Variants in SPTBN4 observed in about 807,000 individuals in gnomAD.
The protein encoded by SPTBN4 is spectrin beta chain, non-erythrocytic 4.
Under a neutral mutation model 277.8 loss-of-function variants are expected in SPTBN4, and 96 were observed. The ratio of observed to expected loss-of-function variants is 0.35; its 90% CI spans 0.29 to 0.41. The LOEUF (loss-of-function observed/expected upper bound fraction) is 0.41, where lower values mean the gene tolerates loss of function less well. Ranked by LOEUF, SPTBN4 falls within the 10% of genes least tolerant of loss-of-function variation. SPTBN4 has a pLI of 1.00. For missense variants in SPTBN4, 3,006 were observed against 3,595.7 expected (o/e 0.84, Z 4.19); for synonymous variants, 1,481 against 1,580.3 (o/e 0.94, Z 1.49).
intron 33 of SPTBN4, chr19:40,570,929 G>C (rs1323800616): frequency 3.6e-6 from 2 of 551,210 alleles, no homozygotes; most frequent in South Asian, 2.5e-5. Flanking sequence ...GTGGTTTAAC[G>C]TCAGGCCCTC....
chr19:40,504,137 C>T lies in SPTBN4; in HGVS notation c.1665+5C>T, dbSNP rs769402624. 41 of 585,780 alleles carry T rather than the reference C, an allele frequency of 7.0e-5. No individual in the cohort carries two copies. Among genetic ancestry groups the T allele is most frequent in the Non-Finnish European group, 9.0e-5 (38 of 422,886 alleles). The allele number at this position is 585,780 out of a possible 1,614,324, so 36.3% of individuals were successfully genotyped here. A position where few individuals can be genotyped will look rare whatever the true frequency, so the allele number is the denominator to read the frequency against. ...GACTGGATGGAGGAGATGCAGGTGC[C>T]GGCGGGGGGGCGGGGATGCGGGTGG... is the stretch of plus-strand genomic sequence containing the variant. On this transcript the variant is annotated splice_donor_5th_base_variant and intron_variant, in intron 12 of 35. Transcript: ENST00000598249.
Position 40,519,518 on chromosome 19 carries a change from G to C in SPTBN4, c.3021G>C (p.Arg1007=). The change falls in exon 16 of 36, where the codon CGG becomes CGC. Residue 1007 remains arginine, a synonymous_variant. Coordinates refer to ENST00000598249, the MANE Select transcript of SPTBN4 (RefSeq NM_020971.3). This position sits in a 1 kb window ranked among gnomAD's most constrained non-coding sequence, Gnocchi z 5.7. The part of the protein sequence containing the change: ...AEVRAQVREK[R]RAVESAPRAG... Reference sequence around the variant, plus strand: ...TGCGCGCCCAGGTGCGTGAGAAGCGGAGAGCTGTGGAGAGCGCGCCCCGGG... The same window carrying C: ...TGCGCGCCCAGGTGCGTGAGAAGCGCAGAGCTGTGGAGAGCGCGCCCCGGG... 6.3e-7 allele frequency: 1 copy of C among 1,598,456 alleles called. No homozygotes were observed. The highest frequency in any genetic ancestry group is 1.1e-5 in the South Asian group (1 of 89,390).
Position 40,502,183 on chromosome 19 carries a change from C to A in SPTBN4, c.953C>A (p.Ala318Glu). The A allele has an allele frequency of 6.2e-7, 1 of 1,614,034 alleles. No individual in the cohort carries two copies. The highest frequency in any genetic ancestry group is 1.1e-5 in the South Asian group (1 of 91,084). ...GKIIERYEEL[A>E]AELLAWIHRT... is the part of the protein sequence containing the mutation. ...ATCATAGAACGCTACGAGGAGCTGG[C>A]GGCTGAGCTGCTGGCCTGGATCCAC... Residue 318 changes from alanine to glutamate, a missense_variant, in exon 9 of 36, where the codon GCG (alanine) becomes GAG (glutamate). Transcript: ENST00000598249. The surrounding 1 kb of genome is among the most constrained non-coding windows in gnomAD (Gnocchi z 4.9).
At chr19:40,473,354 G>GTTTTGTTTTTTTTT (rs1408901657) in intron 2 of SPTBN4, among the ~76,000 whole-genome samples, 1 of 99,094 alleles carries the variant, frequency 1.0e-5, no homozygotes, top group African/African-American at 4.1e-5. Context: ...CTGGCCTGGT[G>GTTTTGTTTTTTTTT]TTTTTTTTTT....
intron 32 of SPTBN4, among the ~76,000 whole-genome samples, chr19:40,570,084 T>C (rs1165838): frequency 0.59 from 88,271 of 149,326 alleles, 26,920 homozygotes; most frequent in Non-Finnish European, 0.64. Flanking sequence ...TTTCTTCAGC[T>C]CAGTGGGGTC....
At chr19:40,521,935 CA>C (rs1418242219) in intron 16 of SPTBN4, among the ~76,000 whole-genome samples, 1 of 152,138 alleles carries the variant, frequency 6.6e-6, no homozygotes, top group African/African-American at 2.4e-5. Context: ...AGGTGTGAGC[CA>C]CCATGCCCGG....
rs111450569 is a variant in SPTBN4, at chr19:40,492,836, C to T, written c.496-127C>T. 2.9e-5 allele frequency: 21 copies of T among 715,264 alleles called. No homozygotes were observed. The African/African-American group carries it at 3.3e-4, about 11-fold the overall frequency. The allele number at this position is 715,264 out of a possible 1,614,324, so 44.3% of individuals were successfully genotyped here. On this transcript the variant is annotated intron_variant, in intron 4 of 35. Transcript: ENST00000598249. Reference sequence around the variant, plus strand: ...CCTCACACTCCTGGACCCCCACCCCCAGCCAGAAGCTGCCTCCCCCATCTC... The same window carrying T: ...CCTCACACTCCTGGACCCCCACCCCTAGCCAGAAGCTGCCTCCCCCATCTC...
intron 2 of SPTBN4, among the ~76,000 whole-genome samples, chr19:40,482,655 G>A (rs750942523): frequency 2.6e-5 from 4 of 152,120 alleles, no homozygotes; most frequent in Non-Finnish European, 2.9e-5. Flanking sequence ...AAACGCAGTC[G>A]GGGTGCAACC....
At position 40,570,574 on chromosome 19, in the gene SPTBN4, G is replaced by A. The variant is rs1391077474; in HGVS notation, c.7165G>A (p.Gly2389Ser). 3.6e-6 allele frequency: 5 copies of A among 1,376,686 alleles called. No individual in the cohort carries two copies. Among genetic ancestry groups the A allele is most frequent in the Non-Finnish European group, 3.7e-6 (4 of 1,067,640 alleles). 85.3% of individuals were successfully genotyped at this position (1,376,686 alleles called of 1,614,324 possible). The change falls in exon 33 of 36, where the codon GGT (glycine) becomes AGT (serine). Residue 2389 changes from glycine (G) to serine (S), a missense_variant. Gly to Ser is a moderately conservative substitution (Grantham distance 56). Coordinates refer to ENST00000598249, the MANE Select transcript of SPTBN4 (RefSeq NM_020971.3). The stretch of plus-strand genomic sequence containing the variant: ...GCGACGGCGGCCGCGGCCCAGAGAG[G>A]GTGGTGAGGGCGGGGGAAGCCGGCG... The part of the protein sequence containing the change: ...KPRRRPRPRE[G>S]GEGGGSRRSR...
intron 20 of SPTBN4, among the ~76,000 whole-genome samples, chr19:40,548,165 C>T (rs770015040): frequency 9.9e-5 from 15 of 152,170 alleles, no homozygotes; most frequent in Non-Finnish European, 2.1e-4. Context: ...ACACAGCAGC[C>T]ATCCAAATTA....
Position 40,564,478 on chromosome 19 carries a change from A to G in SPTBN4, c.5916-945A>G, listed in dbSNP as rs537212223. On this transcript the variant is annotated intron_variant, in intron 27 of 35. Transcript: ENST00000598249. ...TCTAGTGGCTACTGCCTTGGAGAGC[A>G]CAGACTTGGAACGTTAAAATCATTG... Among the ~76,000 whole-genome samples the G allele has an allele frequency of 1.8e-4, 27 of 152,332 alleles. No individual in the cohort carries two copies. The Middle Eastern group carries it at 0.014, about 77-fold the overall frequency.
At chr19:40,571,186 A>G (rs1000942967) in intron 33 of SPTBN4, 14 of 160,334 alleles carry the variant, frequency 8.7e-5, no homozygotes, top group Non-Finnish European at 1.4e-4. Flanking sequence ...GAAGGTTTCA[A>G]TGGCTTGTCG....
At position 40,502,508 on chromosome 19, in the gene SPTBN4, G is replaced by T. The variant is rs1222160807; in HGVS notation, c.1203+1G>T. On this transcript the variant is annotated splice_donor_variant, in intron 10 of 35. Transcript: ENST00000598249. LOFTEE classifies it high-confidence loss of function. This position sits in a 1 kb window ranked among gnomAD's most constrained non-coding sequence, Gnocchi z 4.9. The stretch of plus-strand genomic sequence containing the variant: ...CTGTGGCATCTGGGATATTGACAAG[G>T]TGAGGCCGGGGATGCAGGGGAGAGG... 2 of 1,610,150 alleles carry T rather than the reference G, an allele frequency of 1.2e-6. No individual in the cohort carries two copies. The highest frequency in any genetic ancestry group is 1.7e-6 in the Non-Finnish European group (2 of 1,178,480).
At position 40,558,911 on chromosome 19, in the gene SPTBN4, A is replaced by AATTATTATT. The variant is rs371965577; in HGVS notation, c.5671-1218_5671-1210dup. Reference sequence around the variant, plus strand: ...GCATGAGCTACTATGCCCAGCTGGCAATTATTATTATTATTATTATTATTA... The same window carrying AATTATTATT: ...GCATGAGCTACTATGCCCAGCTGGCAATTATTATTATTATTATTATTATTATTATTATTA... On this transcript the variant is annotated intron_variant, in intron 26 of 35. Transcript: ENST00000598249. 9.7e-3 allele frequency among the ~76,000 whole-genome samples: 1,217 copies of AATTATTATT among 125,890 alleles called. 9 individuals are homozygous for AATTATTATT. Among genetic ancestry groups the AATTATTATT allele is most frequent in the East Asian group, 0.019 (81 of 4,296 alleles). The allele number at this position is 125,890 out of a possible 152,430, so 82.6% of individuals were successfully genotyped here.
At chr19:40,531,474 T>TTG (rs1568816300) in intron 18 of SPTBN4, among the ~76,000 whole-genome samples, 3 of 85,216 alleles carry the variant, frequency 3.5e-5, no homozygotes, top group African/African-American at 1.6e-4. Flanking sequence ...GTTTTTTTTT[T>TTG]TTTTTTTTTT....
rs1048202886 is a variant in SPTBN4 at position 40,519,830 on chromosome 19, G to A, written c.3333G>A (p.Ala1111=). 3 of 1,433,284 alleles carry A rather than the reference G, an allele frequency of 2.1e-6. No individual in the cohort carries two copies. The highest frequency in any genetic ancestry group is 2.7e-6 in the Non-Finnish European group (3 of 1,106,240). 88.8% of individuals were successfully genotyped at this position (1,433,284 alleles called of 1,614,324 possible). A position where few individuals can be genotyped will look rare whatever the true frequency, so the allele number is the denominator to read the frequency against. ...GGCTCGTGCGCGCCCAGGAGGCGGC[G>A]GGCGGCAGCGAGGGGCCCCTGCCCA... ...LDWLVRAQEA[A]GGSEGPLPNS... The change falls in exon 16 of 36, where the codon GCG becomes GCA. Residue 1111 remains alanine (A), a synonymous_variant. Coordinates refer to ENST00000598249, the MANE Select transcript of SPTBN4 (RefSeq NM_020971.3). This position sits in a 1 kb window ranked among gnomAD's most constrained non-coding sequence, Gnocchi z 5.7.
chr19:40,567,888 C>T lies in SPTBN4; in HGVS notation c.6562C>T (p.Leu2188Phe), dbSNP rs1226404081. 2.0e-6 allele frequency: 3 copies of T among 1,524,072 alleles called. No homozygotes were observed. Among genetic ancestry groups the T allele is most frequent in the South Asian group, 2.4e-5 (2 of 81,940 alleles). 94.4% of individuals were successfully genotyped at this position (1,524,072 alleles called of 1,614,324 possible). A position where few individuals can be genotyped will look rare whatever the true frequency, so the allele number is the denominator to read the frequency against. The change falls in exon 31 of 36, where the codon CTC becomes TTC. Residue 2188 changes from leucine to phenylalanine, a missense_variant. Coordinates refer to ENST00000598249, the MANE Select transcript of SPTBN4 (RefSeq NM_020971.3). The stretch of plus-strand genomic sequence containing the variant: ...GCGCCAGGAGCTCAAGCCCGAGCGC[C>T]TCCAGCCGCGCATTGACCGGCTGCC... ...YVRQELKPER[L>F]QPRIDRLPEI...
chr19:40,526,983 T>C lies in SPTBN4; in HGVS notation c.3858-2058T>C, dbSNP rs990892228. ...TTTGGCTGCTGAAGGCCTGGAAAGA[T>C]TGATTTCAGCTCAATTTCAGAGGCA... On this transcript the variant is annotated intron_variant, in intron 17 of 35. Coordinates refer to ENST00000598249, the MANE Select transcript of SPTBN4 (RefSeq NM_020971.3). 5.3e-5 allele frequency among the ~76,000 whole-genome samples: 8 copies of C among 152,198 alleles called. No homozygotes were observed. The East Asian group carries it at 1.5e-3, about 29-fold the overall frequency.
At chr19:40,487,396 A>C (rs1305532308) in intron 2 of SPTBN4, among the ~76,000 whole-genome samples, 1 of 146,052 alleles carries the variant, frequency 6.8e-6, no homozygotes, top group Non-Finnish European at 1.5e-5. Flanking sequence ...CCCAGGCCGG[A>C]GTGCAGTGAT....
Sources: gnomAD v4.1 joint callset for allele counts (sites outside exome capture counted in the v4.1 genomes callset) on GRCh38, gnomAD v4.1.1 for gene constraint, Gnocchi (gnomAD v3.1) non-coding constraint, MANE v1.5 for transcripts, NCBI Gene and HGNC (gene_info 2026-07-23, HGNC 2026-07-21) for gene names.